NXPE4: variants seen among roughly 807,000 people sequenced by gnomAD.
NXPE4 encodes neurexophilin and PC-esterase domain family member 4.
A neutral mutation model predicts 33.3 loss-of-function variants in NXPE4; 42 were observed. The observed-to-expected ratio is 1.26, with a 90% CI of 0.98 to 1.63. The LOEUF (loss-of-function observed/expected upper bound fraction) is 1.63, where lower values mean the gene tolerates loss of function less well. Among genes scored for constraint, NXPE4 ranks in the 40% most tolerant of loss-of-function variants. The pLI is 0.00. For synonymous variants in NXPE4, 253 were observed against 234.9 expected, an observed-to-expected ratio of 1.08 and a Z score of -0.71; for missense variants, 709 against 647.6, an observed-to-expected ratio of 1.09 and a Z score of -1.03.
chr11:114,634,619 A>C, the NXPE4 span, among the ~76,000 whole-genome samples: 78,829 of 151,656 alleles, frequency 0.52, 21,482 homozygotes, highest in African/African-American at 0.65. Context: ...AGTCTTTAAT[A>C]CATTTTGAAT....
chr11:114,678,140 C>A, the NXPE4 span, among the ~76,000 whole-genome samples: 6 of 152,188 alleles, frequency 3.9e-5, no homozygotes, highest in East Asian at 1.2e-3. Context: ...ATTCTCAGGC[C>A]TTCAGGAACC....
At chr11:114,677,281 C>A in the NXPE4 span, among the ~76,000 whole-genome samples, 3 of 151,974 alleles carry the variant, frequency 2.0e-5, no homozygotes, top group Admixed American at 2.0e-4. Flanking sequence ...GCGTTCTCAC[C>A]ACACAAATAA....
chr11:114,615,601 T>A, the NXPE4 span, among the ~76,000 whole-genome samples: 1 of 150,990 alleles, frequency 6.6e-6, no homozygotes, highest in South Asian at 2.1e-4. Context: ...ATTTGCTGCC[T>A]CATGGGTAAC....
chr11:114,611,483 A>G, the NXPE4 span, among the ~76,000 whole-genome samples: 2 of 151,882 alleles, frequency 1.3e-5, no homozygotes, highest in Non-Finnish European at 2.9e-5. Context: ...AACCACTGTT[A>G]CCCTGTGGAT....
chr11:114,621,333 T>C, the NXPE4 span, among the ~76,000 whole-genome samples: 1 of 151,894 alleles, frequency 6.6e-6, no homozygotes, highest in Admixed American at 6.6e-5. Context: ...ACCCGCTGGA[T>C]AATAAGTGTT....
At chr11:114,636,926 A>G in the NXPE4 span, among the ~76,000 whole-genome samples, 1 of 152,080 alleles carries the variant, frequency 6.6e-6, no homozygotes, top group Non-Finnish European at 1.5e-5. Context: ...TTGCTGAAAA[A>G]AATGTATATT....
chr11:114,601,855 T>A, the NXPE4 span, among the ~76,000 whole-genome samples: 2 of 37,546 alleles, frequency 5.3e-5, no homozygotes, highest in Non-Finnish European at 8.2e-5. Flanking sequence ...ATAAAATATA[T>A]AATATACAAT....
At chr11:114,678,119 C>T in the NXPE4 span, among the ~76,000 whole-genome samples, 2 of 152,060 alleles carry the variant, frequency 1.3e-5, no homozygotes, top group Admixed American at 6.6e-5. Context: ...TGAGAGGACC[C>T]AGCTGAATCA....
chr11:114,618,701 G>C, the NXPE4 span, among the ~76,000 whole-genome samples: 1 of 152,036 alleles, frequency 6.6e-6, no homozygotes, highest in African/African-American at 2.4e-5. Context: ...AATAAGTGCT[G>C]TGTCGTGGGT....
chr11:114,663,419 G>A, the NXPE4 span, among the ~76,000 whole-genome samples: 1 of 152,110 alleles, frequency 6.6e-6, no homozygotes, highest in East Asian at 1.9e-4. Flanking sequence ...ACGGGTGTGG[G>A]TTTATGTAAA....
At chr11:114,639,173 G>A in the NXPE4 span, among the ~76,000 whole-genome samples, 2 of 151,928 alleles carry the variant, frequency 1.3e-5, no homozygotes, top group African/African-American at 4.8e-5. Context: ...GGGCAATGGT[G>A]GGCACCCCTC....
the NXPE4 span, among the ~76,000 whole-genome samples, chr11:114,663,870 T>G: frequency 6.6e-6 from 1 of 152,062 alleles, no homozygotes; most frequent in Non-Finnish European, 1.5e-5. Flanking sequence ...AATCTGTCAT[T>G]AGGGAAATAA....
At chr11:114,639,971 T>TA in the NXPE4 span, among the ~76,000 whole-genome samples, 4 of 109,844 alleles carry the variant, frequency 3.6e-5, no homozygotes, top group Non-Finnish European at 5.0e-5. Context: ...AAATATATTA[T>TA]ATATAATATA....
chr11:114,632,041 A>C, the NXPE4 span, among the ~76,000 whole-genome samples: 1 of 145,392 alleles, frequency 6.9e-6, no homozygotes, highest in Non-Finnish European at 1.5e-5. Context: ...TATATATAAT[A>C]TATAATTTAA....
the NXPE4 span, among the ~76,000 whole-genome samples, chr11:114,602,046 A>C: frequency 1.1e-5 from 1 of 91,044 alleles, no homozygotes; most frequent in Non-Finnish European, 1.9e-5. Flanking sequence ...TATAATATAT[A>C]TTATATTATA....
At chr11:114,676,257 G>A in the NXPE4 span, among the ~76,000 whole-genome samples, 3 of 151,704 alleles carry the variant, frequency 2.0e-5, no homozygotes, top group Non-Finnish European at 4.4e-5. Flanking sequence ...GACAAAATGA[G>A]ATTACATCAA....
At chr11:114,612,197 A>G in the NXPE4 span, among the ~76,000 whole-genome samples, 10 of 151,958 alleles carry the variant, frequency 6.6e-5, no homozygotes, top group Admixed American at 4.6e-4. Context: ...AACCACTGTT[A>G]CACGGTGGAG....
chr11:114,636,737 G>A, the NXPE4 span, among the ~76,000 whole-genome samples: 44 of 152,148 alleles, frequency 2.9e-4, 1 homozygote, highest in African/African-American at 9.4e-4. Context: ...AGTCATTCAG[G>A]AGCAGGTTGT....
At chr11:114,589,011 C>G (rs113002890) in intron 2 of NXPE4, among the ~76,000 whole-genome samples, 1 of 152,136 alleles carries the variant, frequency 6.6e-6, no homozygotes, top group South Asian at 2.1e-4. Context: ...AGAGGAAACA[C>G]AAGAGAAGGA....
Sources: gnomAD v4.1 joint callset for allele counts (sites outside exome capture counted in the v4.1 genomes callset) on GRCh38, gnomAD v4.1.1 for gene constraint, MANE v1.5 for transcripts, NCBI Gene and HGNC (gene_info 2026-07-23, HGNC 2026-07-21) for gene names.